DSE: variants seen among roughly 807,000 people sequenced by gnomAD.
DSE encodes the protein dermatan-sulfate epimerase.
A neutral mutation model predicts 84.4 loss-of-function variants in DSE; 36 were observed. That is an observed-to-expected ratio of 0.43 (90% CI 0.33 to 0.56). The LOEUF (loss-of-function observed/expected upper bound fraction) is 0.56. Among genes scored for constraint, DSE ranks in the 20% least tolerant of loss-of-function variants. The probability of loss-of-function intolerance (pLI) is 0.06; values close to 1 mark genes in which losing one functional copy is unlikely to be tolerated. For synonymous variants in DSE, 410 were observed against 430.1 expected (o/e 0.95, Z 0.58); for missense variants, 862 against 1,169.6 (o/e 0.74, Z 3.84).
chr6:116,319,255 G>A (rs1051422730), intron 2 of DSE, among the ~76,000 whole-genome samples: 1 of 152,198 alleles, frequency 6.6e-6, no homozygotes, highest in African/African-American at 2.4e-5. Context: ...AGGTTATGCT[G>A]TAGTAACAAA....
At chr6:116,291,869 A>G (rs1439724963) in intron 2 of DSE, among the ~76,000 whole-genome samples, 1 of 152,242 alleles carries the variant, frequency 6.6e-6, no homozygotes, top group African/African-American at 2.4e-5. Context: ...GTAGACAAGA[A>G]GTTAAGGAAG....
At chr6:116,361,848 TTA>T (rs1192690899) in intron 2 of DSE, among the ~76,000 whole-genome samples, 1 of 152,208 alleles carries the variant, frequency 6.6e-6, no homozygotes, top group Non-Finnish European at 1.5e-5. Context: ...GTTTAATGCA[TTA>T]TGTCATCAAC....
intron 1 of DSE, among the ~76,000 whole-genome samples, chr6:116,385,065 G>A (rs747087276): frequency 6.6e-6 from 1 of 152,168 alleles, no homozygotes; most frequent in African/African-American, 2.4e-5. Flanking sequence ...ATATCCTAGG[G>A]TAGGCATTTG....
intron 2 of DSE, chr6:116,277,630 G>A (rs10456904): frequency 0.24 from 36,738 of 151,724 alleles, 5,562 homozygotes; most frequent in East Asian, 0.64. Context: ...TTTTACAAAT[G>A]TTTCTGAGCT....
intron 2 of DSE, among the ~76,000 whole-genome samples, chr6:116,268,033 G>A (rs541924764): frequency 6.6e-6 from 1 of 152,252 alleles, no homozygotes; most frequent in East Asian, 1.9e-4. Flanking sequence ...GGGACACAGA[G>A]CCAAACCGTA....
intron 2 of DSE, among the ~76,000 whole-genome samples, chr6:116,307,531 A>C (rs544884011): frequency 2.0e-5 from 3 of 152,224 alleles, no homozygotes; most frequent in Non-Finnish European, 2.9e-5. Flanking sequence ...TATGCTTATA[A>C]TAATTGAGAA....
chr6:116,401,911 A>T (rs1202250245), intron 2 of DSE, among the ~76,000 whole-genome samples: 1 of 118,182 alleles, frequency 8.5e-6, no homozygotes, highest in South Asian at 2.5e-4. Context: ...TCAATAATTG[A>T]TATTATGAAA....
chr6:116,260,036 CT>C (rs1772345582), intron 2 of DSE, among the ~76,000 whole-genome samples: 1 of 152,286 alleles, frequency 6.6e-6, no homozygotes, highest in Admixed American at 6.5e-5. Flanking sequence ...AACAATCTGT[CT>C]GTTTTGAGGT....
chr6:116,337,568 C>T (rs1449118616), intron 2 of DSE, among the ~76,000 whole-genome samples: 1 of 152,008 alleles, frequency 6.6e-6, no homozygotes, highest in South Asian at 2.1e-4. Flanking sequence ...GCCGAGATCA[C>T]ACCATTGCAC....
chr6:116,400,329 A>T (rs1417132518), intron 2 of DSE: 2 of 152,210 alleles, frequency 1.3e-5, no homozygotes, highest in African/African-American at 2.4e-5. Context: ...CAGATATGGG[A>T]TGAGTTGATT....
At chr6:116,318,264 T>G (rs532476068) in intron 2 of DSE, among the ~76,000 whole-genome samples, 2 of 152,246 alleles carry the variant, frequency 1.3e-5, no homozygotes, top group African/African-American at 4.8e-5. Context: ...CCCAACACTT[T>G]GGGAGGCCAA....
intron 2 of DSE, among the ~76,000 whole-genome samples, chr6:116,348,363 C>G (rs889342217): frequency 6.6e-5 from 10 of 151,362 alleles, no homozygotes; most frequent in Admixed American, 5.3e-4. Flanking sequence ...GGAGACGGAG[C>G]TTGAAGTGAG....
chr6:116,366,789 G>C (rs12527877), upstream of DSE: 1 of 152,042 alleles, frequency 6.6e-6, no homozygotes, highest in Non-Finnish European at 1.5e-5. Flanking sequence ...TATGGTTTGG[G>C]AAATTCACTT....
intron 1 of DSE, among the ~76,000 whole-genome samples, chr6:116,375,205 T>A (rs1180517153): frequency 6.6e-6 from 1 of 151,656 alleles, no homozygotes; most frequent in African/African-American, 2.4e-5. Flanking sequence ...CCCAAACTCT[T>A]GAGGTGTACT....
chr6:116,442,573 A>G lies in DSE; in HGVS notation c.*5228A>G, dbSNP rs1784462511. 1 of 152,170 alleles carries G rather than the reference A, an allele frequency of 6.6e-6. No homozygotes were observed. The highest frequency in any genetic ancestry group is 1.5e-5 in the Non-Finnish European group (1 of 68,064). The allele number at this position is 152,170 out of a possible 1,614,324, so 9.4% of individuals were successfully genotyped here. ...TAGAATAAAGAAAAAAGTACGAAAA[A>G]GCAAACCTGGTTCAGGAATTCTCCA... On this transcript the variant is annotated 3_prime_UTR_variant, in exon 6 of 6. Transcript: ENST00000644252.
upstream of DSE, among the ~76,000 whole-genome samples, chr6:116,365,495 T>C (rs1461315118): frequency 6.6e-6 from 1 of 152,138 alleles, no homozygotes; most frequent in Admixed American, 6.5e-5. Context: ...CCTCGTGATC[T>C]GCCCATCTCG....
At position 116,440,443 on chromosome 6, in the gene DSE, A is replaced by G. The variant is rs1784390487; in HGVS notation, c.*3098A>G. Reference sequence around the variant, plus strand: ...CTTCCAAAGTACTGGGATTAGAGGCATAGGTCATCATGCCCGGCCAAGTTA... The same window carrying G: ...CTTCCAAAGTACTGGGATTAGAGGCGTAGGTCATCATGCCCGGCCAAGTTA... On this transcript the variant is annotated 3_prime_UTR_variant, in exon 6 of 6. Transcript: ENST00000644252. The G allele has an allele frequency of 6.6e-6, 1 of 152,204 alleles. No homozygotes were observed. Among genetic ancestry groups the G allele is most frequent in the South Asian group, 2.1e-4 (1 of 4,832 alleles). The allele number at this position is 152,204 out of a possible 1,614,324, so 9.4% of individuals were successfully genotyped here. A position where few individuals can be genotyped will look rare whatever the true frequency, so the allele number is the denominator to read the frequency against.
At chr6:116,285,874 G>A (rs887581302) in intron 2 of DSE, among the ~76,000 whole-genome samples, 5 of 152,076 alleles carry the variant, frequency 3.3e-5, no homozygotes, top group African/African-American at 9.7e-5. Context: ...TGTTCCATTG[G>A]TCTATATCTC....
At chr6:116,368,114 CTGTT>C (rs1779266493), upstream of DSE, among the ~76,000 whole-genome samples, 1 of 152,196 alleles carries the variant, frequency 6.6e-6, no homozygotes, top group Admixed American at 6.5e-5. Context: ...CATCTGCTGT[CTGTT>C]TGGAGCTGCA....
Sources: gnomAD v4.1 joint callset for allele counts (sites outside exome capture counted in the v4.1 genomes callset) on GRCh38, gnomAD v4.1.1 for gene constraint, MANE v1.5 for transcripts, NCBI Gene and HGNC (gene_info 2026-07-23, HGNC 2026-07-21) for gene names.